Variants in GALNT18 observed in about 807,000 individuals in gnomAD.
GALNT18 encodes polypeptide N-acetylgalactosaminyltransferase 18.
In GALNT18, 44 loss-of-function variants were observed where a neutral mutation model predicts 69.5. The ratio of observed to expected loss-of-function variants is 0.63; its 90% CI spans 0.50 to 0.81. The LOEUF is 0.81. Ranked by LOEUF, GALNT18 falls within the 40% of genes least tolerant of loss-of-function variation. GALNT18 has a pLI of 0.00. For synonymous variants in GALNT18, 364 were observed against 318.2 expected, an observed-to-expected ratio of 1.14 and a Z score of -1.53; for missense variants, 715 against 810.0, an observed-to-expected ratio of 0.88 and a Z score of 1.42.
At chr11:11,323,059 G>A (rs1818171198) in intron 9 of GALNT18, among the ~76,000 whole-genome samples, 1 of 152,114 alleles carries the variant, frequency 6.6e-6, no homozygotes, top group South Asian at 2.1e-4. Flanking sequence ...CAGGGTCAGG[G>A]TTTCAACATA....
At chr11:11,521,137 C>T (rs1395853390) in intron 1 of GALNT18, among the ~76,000 whole-genome samples, 1 of 151,656 alleles carries the variant, frequency 6.6e-6, no homozygotes, top group Non-Finnish European at 1.5e-5. Context: ...TTCCTTTCCA[C>T]CCAAGGCCCA....
At chr11:11,528,658 A>C (rs1857573093) in intron 1 of GALNT18, among the ~76,000 whole-genome samples, 1 of 152,224 alleles carries the variant, frequency 6.6e-6, no homozygotes, top group Non-Finnish European at 1.5e-5. Flanking sequence ...ACTGAGAACA[A>C]GGGAACCACC....
chr11:11,593,239 G>C (rs549862505), intron 1 of GALNT18, among the ~76,000 whole-genome samples: 2 of 152,258 alleles, frequency 1.3e-5, no homozygotes, highest in South Asian at 4.2e-4. Context: ...CTTCTCTACA[G>C]GTTATAACTG....
At chr11:11,299,134 C>T (rs145320042) in intron 9 of GALNT18, among the ~76,000 whole-genome samples, 3,750 of 152,182 alleles carry the variant, frequency 0.025, 78 homozygotes, top group Middle Eastern at 0.031. Flanking sequence ...GATACTCTGC[C>T]TAATGTGTAG....
chr11:11,520,022 AGCCAGGGTGCAAACAGCTG>A (rs1857360680), intron 1 of GALNT18, among the ~76,000 whole-genome samples: 1 of 152,230 alleles, frequency 6.6e-6, no homozygotes, highest in South Asian at 2.1e-4. Context: ...AGCTAGAGGC[AGCCAGGGTGCAAACAGCTG>A]GCACTGGGGA....
chr11:11,274,387 T>G (rs1848893225), intron 10 of GALNT18, among the ~76,000 whole-genome samples: 1 of 152,078 alleles, frequency 6.6e-6, no homozygotes, highest in East Asian at 1.9e-4. Flanking sequence ...GGGAGCCAAG[T>G]GGTCTGGATC....
intron 5 of GALNT18, among the ~76,000 whole-genome samples, chr11:11,374,395 A>C (rs1850988247): frequency 6.6e-6 from 1 of 152,248 alleles, no homozygotes; most frequent in African/African-American, 2.4e-5. Flanking sequence ...TAAAAAGGTA[A>C]AAAGATGCAA....
intron 3 of GALNT18, among the ~76,000 whole-genome samples, chr11:11,386,256 G>A (rs559655965): frequency 6.6e-6 from 1 of 152,294 alleles, no homozygotes; most frequent in Admixed American, 6.5e-5. Flanking sequence ...CAGGATGATA[G>A]AGTCCAGGTC....
chr11:11,419,674 G>T (rs940065398), intron 3 of GALNT18, among the ~76,000 whole-genome samples: 16 of 149,964 alleles, frequency 1.1e-4, no homozygotes, highest in Non-Finnish European at 2.1e-4. Context: ...TACAAGTGCA[G>T]TAAGAATCTT....
At chr11:11,399,140 A>G (rs549258264) in intron 3 of GALNT18, among the ~76,000 whole-genome samples, 1 of 152,346 alleles carries the variant, frequency 6.6e-6, no homozygotes, top group East Asian at 1.9e-4. Context: ...TAGTGCCCTT[A>G]TAAGAGTCAT....
chr11:11,571,563 T>G (rs9919632), intron 1 of GALNT18, among the ~76,000 whole-genome samples: 129,344 of 152,188 alleles, frequency 0.85, 55,088 homozygotes, highest in South Asian at 0.92. Flanking sequence ...TCCTGGGCAG[T>G]GAGGCCCACT....
chr11:11,401,814 A>G (rs1043033138), intron 3 of GALNT18, among the ~76,000 whole-genome samples: 7 of 152,230 alleles, frequency 4.6e-5, no homozygotes, highest in Non-Finnish European at 1.0e-4. Flanking sequence ...AAGAGTTCCT[A>G]GCCAAAGGGA....
rs997189469 is a variant in GALNT18 at position 11,583,105 on chromosome 11, G to T, written c.235+38254C>A. Reference sequence around the variant, plus strand: ...ACCAGGAGGGCCAGCAAAGCCTGGTGCTTTCCAGCTCTTTCCTGAGAAGTT... The same window carrying T: ...ACCAGGAGGGCCAGCAAAGCCTGGTTCTTTCCAGCTCTTTCCTGAGAAGTT... On this transcript the variant is annotated intron_variant, in intron 1 of 10. Transcript: ENST00000227756. This position sits in a 1 kb window ranked among gnomAD's most constrained non-coding sequence, Gnocchi z 4.7. Among the ~76,000 whole-genome samples, 1 of 152,214 alleles carries T rather than the reference G, an allele frequency of 6.6e-6. No individual in the cohort carries two copies. Among genetic ancestry groups the T allele is most frequent in the Admixed American group, 6.5e-5 (1 of 15,280 alleles).
intron 3 of GALNT18, among the ~76,000 whole-genome samples, chr11:11,422,189 T>A (rs914891761): frequency 3.3e-5 from 5 of 152,204 alleles, no homozygotes; most frequent in African/African-American, 1.2e-4. Flanking sequence ...TCAAGAGTCA[T>A]ATAAGTCATT....
At position 11,315,076 on chromosome 11, in the gene GALNT18, A is replaced by G. The variant is rs146731371; in HGVS notation, c.1512+12010T>C. ...TGTGTGTGTGTGTATGTGTGTATAT[A>G]TGTGTACATACAGAAGTAAATGCAT... On this transcript the variant is annotated intron_variant, in intron 9 of 10. Coordinates refer to ENST00000227756, the MANE Select transcript of GALNT18 (RefSeq NM_198516.3). The surrounding 1 kb of genome is among the most constrained non-coding windows in gnomAD (Gnocchi z 5.6). Among the ~76,000 whole-genome samples the G allele has an allele frequency of 2.0e-5, 3 of 151,422 alleles. No individual in the cohort carries two copies. The highest frequency in any genetic ancestry group is 2.0e-4 in the Admixed American group (3 of 15,186).
In GALNT18 at chr11:11,338,889, A is replaced by G. The variant is rs1850156341; in HGVS notation, c.1278+1930T>C. 1.3e-5 allele frequency among the ~76,000 whole-genome samples: 2 copies of G among 152,114 alleles called. No individual in the cohort carries two copies. The highest frequency in any genetic ancestry group is 2.9e-5 in the Non-Finnish European group (2 of 68,008). ...TTAGGAATAAATGGAGAGAGATAAG[A>G]TTCCAGGGTGTGGAATCATGGACCC... On this transcript the variant is annotated intron_variant, in intron 7 of 10. Coordinates refer to ENST00000227756, the MANE Select transcript of GALNT18 (RefSeq NM_198516.3). The surrounding 1 kb of genome is among the most constrained non-coding windows in gnomAD (Gnocchi z 5.3).
At chr11:11,392,557 C>T (rs1340317599) in intron 3 of GALNT18, among the ~76,000 whole-genome samples, 5 of 152,184 alleles carry the variant, frequency 3.3e-5, no homozygotes, top group East Asian at 1.9e-4. Context: ...AGGCGGAGGT[C>T]GTGGTGAGCA....
At chr11:11,399,555 A>ACAG (rs1854414975) in intron 3 of GALNT18, among the ~76,000 whole-genome samples, 1 of 152,230 alleles carries the variant, frequency 6.6e-6, no homozygotes, top group Admixed American at 6.5e-5. Flanking sequence ...AACAACAACA[A>ACAG]CAGCAAGAAT....
intron 2 of GALNT18, among the ~76,000 whole-genome samples, chr11:11,437,232 A>T (rs56392500): frequency 6.6e-6 from 1 of 152,134 alleles, no homozygotes; most frequent in African/African-American, 2.4e-5. Context: ...GCCCATGCTC[A>T]TTTTGAGAAC....
Sources: gnomAD v4.1 joint callset for allele counts (sites outside exome capture counted in the v4.1 genomes callset) on GRCh38, gnomAD v4.1.1 for gene constraint, Gnocchi (gnomAD v3.1) non-coding constraint, MANE v1.5 for transcripts, NCBI Gene and HGNC (gene_info 2026-07-23, HGNC 2026-07-21) for gene names.